PCDH9: variants seen among roughly 807,000 people sequenced by gnomAD.
PCDH9 encodes the protein protocadherin 9.
In PCDH9, 24 loss-of-function variants were observed where a neutral mutation model predicts 70.6. The observed-to-expected ratio is 0.34, with a 90% CI of 0.25 to 0.48. PCDH9 has a LOEUF of 0.48. Among genes scored for constraint, PCDH9 ranks in the 20% least tolerant of loss-of-function variants. The pLI is 0.99. For synonymous variants in PCDH9, 562 were observed against 558.5 expected, an observed-to-expected ratio of 1.01 and a Z score of -0.09; for missense variants, 1,281 against 1,503.6, an observed-to-expected ratio of 0.85 and a Z score of 2.45.
chr13:66,762,582 A>G (rs1172285456), intron 3 of PCDH9, among the ~76,000 whole-genome samples: 1 of 151,974 alleles, frequency 6.6e-6, no homozygotes, highest in Non-Finnish European at 1.5e-5. Flanking sequence ...TCCTGTCATT[A>G]TGCAACAACG....
At chr13:66,676,927 T>G (rs2078251171) in intron 3 of PCDH9, among the ~76,000 whole-genome samples, 1 of 152,118 alleles carries the variant, frequency 6.6e-6, no homozygotes, top group African/African-American at 2.4e-5. Context: ...TCCTTTATAT[T>G]ATAAAATTTT....
chr13:66,890,176 A>T (rs2082072352), intron 3 of PCDH9, among the ~76,000 whole-genome samples: 1 of 152,154 alleles, frequency 6.6e-6, no homozygotes, highest in African/African-American at 2.4e-5. Context: ...TTCATTCTCT[A>T]GGGTGATAAT....
chr13:66,603,766 T>C (rs528475386), intron 4 of PCDH9, among the ~76,000 whole-genome samples: 212 of 152,188 alleles, frequency 1.4e-3, no homozygotes, highest in African/African-American at 4.8e-3. Flanking sequence ...TTTTACATTT[T>C]AGTTGTGTGT....
intron 3 of PCDH9, among the ~76,000 whole-genome samples, chr13:66,813,116 T>C (rs773569221): frequency 3.9e-5 from 6 of 152,170 alleles, no homozygotes; most frequent in Non-Finnish European, 7.4e-5. Context: ...TCAGTGATGA[T>C]TGTGGGGACT....
intron 2 of PCDH9, among the ~76,000 whole-genome samples, chr13:67,015,751 C>T (rs1690939691): frequency 1.3e-5 from 2 of 152,128 alleles, no homozygotes; most frequent in South Asian, 4.1e-4. Context: ...AGTTTCTAAT[C>T]TCTGTCCTTG....
chr13:66,491,449 T>A lies in PCDH9; in HGVS notation c.3340+139761A>T, dbSNP rs959014927. 5.8e-5 allele frequency among the ~76,000 whole-genome samples: 8 copies of A among 137,128 alleles called. No individual in the cohort carries two copies. In the Admixed American group the frequency reaches 5.9e-4, roughly 10 times the overall value. 90.0% of individuals were successfully genotyped at this position (137,128 alleles called of 152,430 possible). A position where few individuals can be genotyped will look rare whatever the true frequency, so the allele number is the denominator to read the frequency against. On this transcript the variant is annotated intron_variant, in intron 4 of 4. Coordinates refer to ENST00000377865, the MANE Select transcript of PCDH9 (RefSeq NM_203487.3). Reference sequence around the variant, plus strand: ...AGAGAGAGACTGTGCTCAGTGAATATGTAGTGAGGAACTACAGTACTGTGA... The same window carrying A: ...AGAGAGAGACTGTGCTCAGTGAATAAGTAGTGAGGAACTACAGTACTGTGA...
At chr13:66,954,830 C>A (rs558054503) in intron 2 of PCDH9, among the ~76,000 whole-genome samples, 1 of 152,252 alleles carries the variant, frequency 6.6e-6, no homozygotes, top group African/African-American at 2.4e-5. Flanking sequence ...GTGGCGTGAT[C>A]TCAGCTCACT....
chr13:66,410,404 C>G (rs1200230880), intron 4 of PCDH9, among the ~76,000 whole-genome samples: 1 of 152,130 alleles, frequency 6.6e-6, no homozygotes, highest in East Asian at 1.9e-4. Flanking sequence ...GATGTAATCC[C>G]ACAAGTAATG....
At chr13:66,569,698 T>G (rs1008214028) in intron 4 of PCDH9, among the ~76,000 whole-genome samples, 2 of 152,132 alleles carry the variant, frequency 1.3e-5, no homozygotes, top group African/African-American at 4.8e-5. Context: ...ATTCAGAGCA[T>G]TTATAGGTTA....
At chr13:66,939,486 G>A (rs189660174) in intron 2 of PCDH9, among the ~76,000 whole-genome samples, 43 of 151,158 alleles carry the variant, frequency 2.8e-4, no homozygotes, top group African/African-American at 9.5e-4. Context: ...TGCCCAGGGT[G>A]CAATGGTGTG....
intron 4 of PCDH9, among the ~76,000 whole-genome samples, chr13:66,427,225 G>C (rs772330558): frequency 1.3e-5 from 2 of 151,462 alleles, no homozygotes; most frequent in South Asian, 4.1e-4. Context: ...TGCTAAATAC[G>C]TCTGATTACA....
At chr13:66,803,044 G>A (rs537041764) in intron 3 of PCDH9, among the ~76,000 whole-genome samples, 4 of 151,984 alleles carry the variant, frequency 2.6e-5, no homozygotes, top group South Asian at 4.2e-4. Context: ...GAAGTATGTC[G>A]GTTTACAAAT....
intron 3 of PCDH9, among the ~76,000 whole-genome samples, chr13:66,870,459 A>C (rs1019744289): frequency 3.9e-5 from 6 of 152,178 alleles, no homozygotes; most frequent in Non-Finnish European, 8.8e-5. Flanking sequence ...CAACCTACAA[A>C]ATGGGAGAAA....
intron 4 of PCDH9, among the ~76,000 whole-genome samples, chr13:66,597,631 A>T (rs1593754018): frequency 6.6e-6 from 1 of 151,912 alleles, no homozygotes; most frequent in Admixed American, 6.6e-5. Context: ...AAACTCCTAG[A>T]TGAAAACATG....
chr13:66,960,300 CAT>C (rs1482979816), intron 2 of PCDH9, among the ~76,000 whole-genome samples: 1 of 152,084 alleles, frequency 6.6e-6, no homozygotes, highest in African/African-American at 2.4e-5. Flanking sequence ...TTTAAAGTGA[CAT>C]ATAATTAAAT....
At chr13:67,225,165 C>T (rs150733161) in intron 2 of PCDH9, 23,761 of 1,370,974 alleles carry the variant, frequency 0.017, 261 homozygotes, top group Middle Eastern at 0.021. Context: ...TTTCTCTTTT[C>T]ATCTTTTGCC....
intron 3 of PCDH9, among the ~76,000 whole-genome samples, chr13:66,687,459 T>C (rs113537337): frequency 0.011 from 1,725 of 152,240 alleles, 36 homozygotes; most frequent in African/African-American, 0.039. Context: ...CTTTGTATGT[T>C]CTCAGAATTT....
At chr13:66,587,697 C>T (rs1342115621) in intron 4 of PCDH9, among the ~76,000 whole-genome samples, 7 of 151,502 alleles carry the variant, frequency 4.6e-5, no homozygotes, top group Non-Finnish European at 8.8e-5. Context: ...TTTCTAAGAT[C>T]GTCAGAGGTA....
chr13:66,454,157 T>G (rs1358438750), intron 4 of PCDH9, among the ~76,000 whole-genome samples: 2 of 152,070 alleles, frequency 1.3e-5, no homozygotes, highest in Non-Finnish European at 2.9e-5. Flanking sequence ...TTTTTTCTTT[T>G]TTTTTAAAAA....
Sources: gnomAD v4.1 joint callset for allele counts (sites outside exome capture counted in the v4.1 genomes callset) on GRCh38, gnomAD v4.1.1 for gene constraint, MANE v1.5 for transcripts, NCBI Gene and HGNC (gene_info 2026-07-23, HGNC 2026-07-21) for gene names.